The following DSG4 variants were observed in gnomAD, a reference collection of about 807,000 sequenced individuals.
DSG4 encodes desmoglein-4.
Under a neutral mutation model 93.1 loss-of-function variants are expected in DSG4, and 87 were observed. The observed-to-expected ratio is 0.93, with a 90% CI of 0.79 to 1.12. The LOEUF (loss-of-function observed/expected upper bound fraction) is 1.12. DSG4 is among the 50% of genes most tolerant of loss of function. The pLI is 0.00. For missense variants in DSG4, 1,373 were observed against 1,285.7 expected, an observed-to-expected ratio of 1.07 and a Z score of -1.04; for synonymous variants, 432 against 452.9, an observed-to-expected ratio of 0.95 and a Z score of 0.59.
chr18:31,390,568 G>A, intron 5 of DSG4, 88 bp from the exon 6 acceptor site: 1 of 1,506,924 alleles, frequency 6.6e-7, no homozygotes, highest in Non-Finnish European at 9.2e-7. Flanking sequence ...TCAGGAGAAG[G>A]CCAACCACTC....
At chr18:31,410,515 GT>G (rs555376170) in intron 14 of DSG4, among the ~76,000 whole-genome samples, 61 of 149,818 alleles carry the variant, frequency 4.1e-4, no homozygotes, top group African/African-American at 1.2e-3. Context: ...AATACAAGCT[GT>G]TTTTTTTTAA....
At chr18:31,390,267 T>C (rs943366246) in intron 5 of DSG4, among the ~76,000 whole-genome samples, 12 of 152,062 alleles carry the variant, frequency 7.9e-5, no homozygotes, top group Non-Finnish European at 1.8e-4. Flanking sequence ...TTAATTAAAC[T>C]ATAATTTTCC....
intron 1 of DSG4, among the ~76,000 whole-genome samples, chr18:31,382,595 GT>G (rs2072147711): frequency 6.6e-6 from 1 of 152,118 alleles, no homozygotes; most frequent in Middle Eastern, 3.2e-3. Context: ...ATTAACAGGT[GT>G]TTCCTAGAAA....
intron 1 of DSG4, among the ~76,000 whole-genome samples, chr18:31,380,465 C>T (rs2072121971): frequency 6.6e-6 from 1 of 152,190 alleles, no homozygotes; most frequent in African/African-American, 2.4e-5. Flanking sequence ...GCTCTGACTA[C>T]AGGGTGTGTG....
intron 12 of DSG4, among the ~76,000 whole-genome samples, chr18:31,408,805 A>G (rs2072454708): frequency 6.6e-6 from 1 of 152,244 alleles, no homozygotes; most frequent in African/African-American, 2.4e-5. Context: ...CTAGAATCTT[A>G]GAAAACTTAA....
At chr18:31,405,043 A>G (rs1260732936) in intron 11 of DSG4, among the ~76,000 whole-genome samples, 1 of 152,204 alleles carries the variant, frequency 6.6e-6, no homozygotes, top group Non-Finnish European at 1.5e-5. Context: ...GCATTGCCTT[A>G]TCTCATTTTT....
At chr18:31,397,065 C>T (rs1435328237) in intron 8 of DSG4, among the ~76,000 whole-genome samples, 1 of 152,192 alleles carries the variant, frequency 6.6e-6, no homozygotes, top group East Asian at 1.9e-4. Flanking sequence ...CTAACTTTCT[C>T]CCTTTTTCAT....
chr18:31,392,966 C>G (rs991648279), intron 8 of DSG4, among the ~76,000 whole-genome samples: 1 of 152,162 alleles, frequency 6.6e-6, no homozygotes, highest in Non-Finnish European at 1.5e-5. Flanking sequence ...ACCTTGCATA[C>G]TGAAATACCG....
rs780406147 is a variant in DSG4 at position 31,413,634 on chromosome 18, C to A, written c.*39C>A. The A allele has an allele frequency of 3.7e-5, 59 of 1,603,794 alleles. No homozygotes were observed. Among genetic ancestry groups the A allele is most frequent in the Middle Eastern group, 1.7e-4 (1 of 6,044 alleles). On this transcript the variant is annotated 3_prime_UTR_variant, in exon 16 of 16. Coordinates refer to ENST00000308128, the MANE Select transcript of DSG4 (RefSeq NM_177986.5). ...AGTATTCTATGTGGAGACCTTGCAC[C>A]TTGTAATCATCAATACATCCACCAA...
At chr18:31,411,496 A>G (rs748574185) in intron 15 of DSG4, 48 bp downstream of exon 15, 1 of 1,594,118 alleles carries the variant, frequency 6.3e-7, no homozygotes, top group South Asian at 1.1e-5. Context: ...ATTGAATAAT[A>G]ATAATAGTAA....
Position 31,411,303 on chromosome 18 carries a change from G to C in DSG4, c.2210G>C (p.Gly737Ala), listed in dbSNP as rs535386288. 6.2e-7 allele frequency: 1 copy of C among 1,612,586 alleles called. No homozygotes were observed. Among genetic ancestry groups the C allele is most frequent in the Non-Finnish European group, 8.5e-7 (1 of 1,180,000 alleles). Reference protein sequence around the residue: ...GGVSGVELNTGMGTAVGLMAA... With the variant: ...GGVSGVELNTAMGTAVGLMAA... ...GTATCGGGAGTGGAGCTCAACACAG[G>C]TATGGGGACAGCCGTTGGCCTCATG... is the stretch of plus-strand genomic sequence containing the variant. The change falls in exon 15 of 16, where the codon GGT becomes GCT. Residue 737 changes from glycine (G) to alanine (A), a missense_variant. Gly to Ala is a moderately conservative substitution (Grantham distance 60, BLOSUM62 0). Coordinates refer to ENST00000308128, the MANE Select transcript of DSG4 (RefSeq NM_177986.5).
chr18:31,381,200 T>G (rs1363269823), intron 1 of DSG4, among the ~76,000 whole-genome samples: 1 of 152,200 alleles, frequency 6.6e-6, no homozygotes, highest in Non-Finnish European at 1.5e-5. Context: ...GATGAGCAAC[T>G]TTAACATGGT....
At chr18:31,379,858 C>T (rs745777415) in intron 1 of DSG4, among the ~76,000 whole-genome samples, 1 of 152,128 alleles carries the variant, frequency 6.6e-6, no homozygotes, top group Non-Finnish European at 1.5e-5. Context: ...GAGAAAAACA[C>T]CTTATCCTAT....
chr18:31,377,423 A>C (rs1053571805), intron 1 of DSG4, among the ~76,000 whole-genome samples: 2 of 152,188 alleles, frequency 1.3e-5, no homozygotes, highest in Non-Finnish European at 2.9e-5. Context: ...ATTACATTGC[A>C]ACTAATGATG....
rs2072193799 is a variant in DSG4, at chr18:31,386,835, A to G, written c.216+16A>G. On this transcript the variant is annotated intron_variant, in intron 3 of 15. Coordinates refer to ENST00000308128, the MANE Select transcript of DSG4 (RefSeq NM_177986.5). ...CATTGCCAAAGTAAGTGATGAAGCA[A>G]TCTGATGACAAATGCTTTTGCAGAG... 1 of 1,612,794 alleles carries G rather than the reference A, an allele frequency of 6.2e-7. No individual in the cohort carries two copies. The highest frequency in any genetic ancestry group is 1.7e-4 in the Middle Eastern group (1 of 6,054).
intron 15 of DSG4, among the ~76,000 whole-genome samples, chr18:31,412,619 A>C (rs1360047121): frequency 6.6e-6 from 1 of 152,222 alleles, no homozygotes; most frequent in Non-Finnish European, 1.5e-5. Flanking sequence ...ATGTTGTTGC[A>C]ATTGTAAACT....
chr18:31,412,301 GT>G (rs2072503450), intron 15 of DSG4, among the ~76,000 whole-genome samples: 1 of 152,198 alleles, frequency 6.6e-6, no homozygotes, highest in South Asian at 2.1e-4. Flanking sequence ...TCACTCATCT[GT>G]GGAAGCTAAA....
chr18:31,385,371 A>G (rs964230744), intron 2 of DSG4, among the ~76,000 whole-genome samples, 200 bp downstream of exon 2: 1 of 152,210 alleles, frequency 6.6e-6, no homozygotes, highest in African/African-American at 2.4e-5. Context: ...TGTTTGCAAC[A>G]GCTTAGTGTC....
At chr18:31,403,379 C>T in intron 10 of DSG4, 37 bp from the exon 11 acceptor site, 1 of 1,543,094 alleles carries the variant, frequency 6.5e-7, no homozygotes, top group Non-Finnish European at 8.9e-7. Flanking sequence ...CTCCCTAACA[C>T]CATTTACCTC....
Sources: gnomAD v4.1 joint callset for allele counts (sites outside exome capture counted in the v4.1 genomes callset) on GRCh38, gnomAD v4.1.1 for gene constraint, MANE v1.5 for transcripts, NCBI Gene and HGNC (gene_info 2026-07-23, HGNC 2026-07-21) for gene names.